Variants in EPHA5 observed in about 807,000 individuals in gnomAD.
The protein encoded by EPHA5 is ephrin type-A receptor 5.
Under a neutral mutation model 105.0 loss-of-function variants are expected in EPHA5, and 60 were observed. That is an observed-to-expected ratio of 0.57 (90% CI 0.46 to 0.71). The LOEUF (loss-of-function observed/expected upper bound fraction) is 0.71. Ranked by LOEUF, EPHA5 falls within the 30% of genes least tolerant of loss-of-function variation. EPHA5 has a pLI of 0.00. For synonymous variants in EPHA5, 513 were observed against 449.1 expected (o/e 1.14, Z -1.80); for missense variants, 1,218 against 1,274.7 (o/e 0.96, Z 0.68).
In EPHA5 at chr4:65,455,370, AG is replaced by A. The variant is rs1727481004; in HGVS notation, c.1403-34806del. 2.0e-5 allele frequency among the ~76,000 whole-genome samples: 3 copies of A among 152,362 alleles called. No individual in the cohort carries two copies. The South Asian group carries it at 6.2e-4, about 32-fold the overall frequency. Reference sequence around the variant, plus strand: ...ACATCAATTTACTAGAGTGCACACAAGCAAACAGCTGGACATCAGGCCTGTC... The same window carrying A: ...ACATCAATTTACTAGAGTGCACACAACAAACAGCTGGACATCAGGCCTGTC... On this transcript the variant is annotated intron_variant, in intron 5 of 16. Transcript: ENST00000613740.
intron 5 of EPHA5, among the ~76,000 whole-genome samples, chr4:65,440,378 G>C (rs529941087): frequency 1.2e-4 from 18 of 152,016 alleles, no homozygotes; most frequent in African/African-American, 4.3e-4. Flanking sequence ...TGGAGATATG[G>C]ATACATATTA....
At chr4:65,402,476 A>G (rs1363682717) in intron 8 of EPHA5, among the ~76,000 whole-genome samples, 2 of 152,108 alleles carry the variant, frequency 1.3e-5, no homozygotes, top group Non-Finnish European at 2.9e-5. Flanking sequence ...AAATGTCACC[A>G]GTAAATTCAC....
At chr4:65,335,132 C>T (rs1484056918) in intron 15 of EPHA5, among the ~76,000 whole-genome samples, 1 of 151,934 alleles carries the variant, frequency 6.6e-6, no homozygotes, top group Non-Finnish European at 1.5e-5. Context: ...TGCTAATAGG[C>T]AGCCAATTTA....
At chr4:65,409,390 GA>G in intron 7 of EPHA5, among the ~76,000 whole-genome samples, 1 of 134,798 alleles carries the variant, frequency 7.4e-6, no homozygotes, top group African/African-American at 2.6e-5. Context: ...TTGTAAGCCG[GA>G]AAAAAGGTAA....
At chr4:65,559,422 ATTCCCAT>A (rs1738785731) in intron 3 of EPHA5, among the ~76,000 whole-genome samples, 1 of 152,166 alleles carries the variant, frequency 6.6e-6, no homozygotes, top group Non-Finnish European at 1.5e-5. Context: ...GACGCTCCCC[ATTCCCAT>A]CTGAGGGTGC....
intron 5 of EPHA5, among the ~76,000 whole-genome samples, chr4:65,448,352 A>G (rs1316622548): frequency 6.6e-6 from 1 of 152,100 alleles, no homozygotes; most frequent in Non-Finnish European, 1.5e-5. Flanking sequence ...TTAAAAAACA[A>G]AAATACATTT....
At chr4:65,601,577 G>A (rs2149436296) in intron 3 of EPHA5, 64 bp downstream of exon 3, 1 of 1,424,742 alleles carries the variant, frequency 7.0e-7, no homozygotes, top group Non-Finnish European at 9.6e-7. Flanking sequence ...ATCATTGGAG[G>A]AAATACATAT....
At chr4:65,592,386 T>C (rs557965695) in intron 3 of EPHA5, among the ~76,000 whole-genome samples, 1 of 152,032 alleles carries the variant, frequency 6.6e-6, no homozygotes, top group South Asian at 2.1e-4. Context: ...ACAAGGCAAC[T>C]TGAATTTTAA....
chr4:65,453,319 CT>C (rs1295400881), intron 5 of EPHA5, among the ~76,000 whole-genome samples: 1 of 152,236 alleles, frequency 6.6e-6, no homozygotes, highest in African/African-American at 2.4e-5. Context: ...TCTGTCACGT[CT>C]TTTTTTCCAA....
At chr4:65,382,652 A>C (rs1054790850) in intron 8 of EPHA5, among the ~76,000 whole-genome samples, 1 of 151,840 alleles carries the variant, frequency 6.6e-6, no homozygotes, top group African/African-American at 2.4e-5. Context: ...AGTGGTTCCA[A>C]ACCTGGCTAC....
In EPHA5 at chr4:65,321,272, T is replaced by G. The variant is rs140511519; in HGVS notation, c.*2842A>C. 4.8e-5 allele frequency: 11 copies of G among 230,334 alleles called. No individual in the cohort carries two copies. The highest frequency in any genetic ancestry group is 8.6e-5 in the Non-Finnish European group (10 of 116,196). 14.3% of individuals were successfully genotyped at this position (230,334 alleles called of 1,614,324 possible). ...AAAATTGTCATGTCTGTGCTTTATTTTTGGTAGTCTGGTGGGTGACAAAAT... is the reference window on the plus strand; with the variant it reads ...AAAATTGTCATGTCTGTGCTTTATTGTTGGTAGTCTGGTGGGTGACAAAAT... On this transcript the variant is annotated 3_prime_UTR_variant, in exon 17 of 17. Coordinates refer to ENST00000613740, the MANE Select transcript of EPHA5 (RefSeq NM_001281766.3).
intron 3 of EPHA5, among the ~76,000 whole-genome samples, chr4:65,512,882 A>T (rs57453467): frequency 0.15 from 23,225 of 152,078 alleles, 1,866 homozygotes; most frequent in East Asian, 0.21. Context: ...CAAAATATCT[A>T]TTATACATGC....
Position 65,649,270 on chromosome 4 carries a change from G to A in EPHA5, c.182-5843C>T, listed in dbSNP as rs527638245. On this transcript the variant is annotated intron_variant, in intron 1 of 16. Coordinates refer to ENST00000613740, the MANE Select transcript of EPHA5 (RefSeq NM_001281766.3). ...ACTGCTTATTGTTTCCTGCAGCCAA[G>A]TCAGTCCTCTACTTAAGACCTAAAC... Among the ~76,000 whole-genome samples, 3 of 152,278 alleles carry A rather than the reference G, an allele frequency of 2.0e-5. No homozygotes were observed. In the East Asian group the frequency reaches 5.8e-4, roughly 29 times the overall value.
At chr4:65,410,328 T>C (rs1312624007) in intron 7 of EPHA5, among the ~76,000 whole-genome samples, 1 of 152,242 alleles carries the variant, frequency 6.6e-6, no homozygotes, top group Non-Finnish European at 1.5e-5. Context: ...AGGCACGTAC[T>C]GCATGTTTCT....
chr4:65,326,754 G>A (rs900693207), intron 16 of EPHA5, among the ~76,000 whole-genome samples: 1 of 151,254 alleles, frequency 6.6e-6, no homozygotes, highest in African/African-American at 2.4e-5. Flanking sequence ...AAATACTGAT[G>A]AATCCAGATT....
intron 3 of EPHA5, among the ~76,000 whole-genome samples, chr4:65,548,748 A>G (rs1275553452): frequency 1.3e-5 from 2 of 152,130 alleles, no homozygotes; most frequent in Admixed American, 6.6e-5. Flanking sequence ...TCTAGAGCAT[A>G]GAGCAAGTTT....
At chr4:65,598,827 G>C (rs1209941480) in intron 3 of EPHA5, among the ~76,000 whole-genome samples, 1 of 151,966 alleles carries the variant, frequency 6.6e-6, no homozygotes, top group East Asian at 1.9e-4. Context: ...AAGTTAGCTT[G>C]GCTAGTGCAT....
intron 3 of EPHA5, chr4:65,573,765 G>T: frequency 6.2e-7 from 1 of 1,612,088 alleles, no homozygotes; most frequent in Middle Eastern, 1.7e-4. Context: ...CAAGAACGGC[G>T]GTACCCGGGT....
intron 3 of EPHA5, among the ~76,000 whole-genome samples, chr4:65,594,246 G>A (rs914754844): frequency 2.6e-5 from 4 of 152,050 alleles, no homozygotes; most frequent in Non-Finnish European, 2.9e-5. Context: ...AATAAAAGGA[G>A]CTTATCCAGT....
Sources: gnomAD v4.1 joint callset for allele counts (sites outside exome capture counted in the v4.1 genomes callset) on GRCh38, gnomAD v4.1.1 for gene constraint, MANE v1.5 for transcripts, NCBI Gene and HGNC (gene_info 2026-07-23, HGNC 2026-07-21) for gene names.